Variants in PCDHA1 observed in about 807,000 individuals in gnomAD.
PCDHA1 encodes the protein protocadherin alpha 1.
Under a neutral mutation model 61.3 loss-of-function variants are expected in PCDHA1, and 42 were observed. The ratio of observed to expected loss-of-function variants is 0.69; its 90% confidence interval spans 0.54 to 0.89. PCDHA1 has a LOEUF of 0.89. PCDHA1 is among the 40% of genes least tolerant of loss of function. The pLI is 0.00. For synonymous variants in PCDHA1, 610 were observed against 553.8 expected (o/e 1.10, Z -1.43); for missense variants, 1,256 against 1,235.3 (o/e 1.02, Z -0.25).
chr5:140,848,693 G>A, intron 1 of PCDHA1: 1 of 1,592,386 alleles, frequency 6.3e-7, no homozygotes, highest in Non-Finnish European at 8.6e-7. Flanking sequence ...TGTTCCAGTT[G>A]GATTCCAAAG....
At chr5:140,880,731 GAA>G (rs2058452770) in intron 1 of PCDHA1, among the ~76,000 whole-genome samples, 1 of 152,216 alleles carries the variant, frequency 6.6e-6, no homozygotes, top group Non-Finnish European at 1.5e-5. Flanking sequence ...GAAGCATAGA[GAA>G]AATGGATTGT....
At position 140,870,670 on chromosome 5, in the gene PCDHA1, G is replaced by A. The variant is rs782000668; in HGVS notation, c.2394+81986G>A. On this transcript the variant is annotated intron_variant, in intron 1 of 3. Coordinates refer to ENST00000504120, the MANE Select transcript of PCDHA1 (RefSeq NM_018900.4). Reference sequence around the variant, plus strand: ...CAAGGTGTACGCGCTGCAGCCGTTGGACCACGAGGAGCTGGAGCTGCTACA... The same window carrying A: ...CAAGGTGTACGCGCTGCAGCCGTTGAACCACGAGGAGCTGGAGCTGCTACA... The A allele has an allele frequency of 3.1e-6, 5 of 1,612,518 alleles. No individual in the cohort carries two copies. The East Asian group carries it at 1.1e-4, about 36-fold the overall frequency.
intron 1 of PCDHA1, among the ~76,000 whole-genome samples, chr5:140,887,589 T>C (rs1271786236): frequency 6.6e-6 from 1 of 152,120 alleles, no homozygotes; most frequent in Non-Finnish European, 1.5e-5. Context: ...CTTTTGCAGA[T>C]TGATTGTGAT....
chr5:140,900,080 A>G (rs62384484), intron 1 of PCDHA1, among the ~76,000 whole-genome samples: 49,691 of 152,040 alleles, frequency 0.33, 8,391 homozygotes, highest in East Asian at 0.53. Flanking sequence ...AAAGTGCTGC[A>G]GTTACAAGCA....
At chr5:140,875,906 C>T in intron 1 of PCDHA1, 1 of 1,614,204 alleles carries the variant, frequency 6.2e-7, no homozygotes, top group East Asian at 2.2e-5. Flanking sequence ...GTTTCTGAAT[C>T]TGCGCCTCTG....
At chr5:140,853,209 A>G (rs1399552448) in intron 1 of PCDHA1, 10 of 983,300 alleles carry the variant, frequency 1.0e-5, no homozygotes, top group Non-Finnish European at 1.1e-5. Context: ...TGACGGCTGT[A>G]TTGATGGGAT....
intron 1 of PCDHA1, among the ~76,000 whole-genome samples, chr5:140,914,027 T>C (rs188298966): frequency 6.6e-6 from 1 of 152,186 alleles, no homozygotes; most frequent in Non-Finnish European, 1.5e-5. Context: ...ATCCACGTGC[T>C]GAGAAGAATG....
chr5:140,843,692 T>C, intron 1 of PCDHA1: 2 of 1,586,786 alleles, frequency 1.3e-6, no homozygotes, highest in South Asian at 2.2e-5. Flanking sequence ...AGAGCAAGAT[T>C]TAAATGTTGA....
intron 1 of PCDHA1, chr5:140,841,625 T>C (rs1425270500): frequency 1.9e-6 from 3 of 1,614,028 alleles, no homozygotes; most frequent in African/African-American, 1.3e-5. Flanking sequence ...GAGCGCGGAG[T>C]GCAGCATCCA....
At chr5:140,974,614 C>T (rs757071183) in intron 1 of PCDHA1, among the ~76,000 whole-genome samples, 3 of 152,070 alleles carry the variant, frequency 2.0e-5, no homozygotes, top group East Asian at 1.9e-4. Context: ...AGGGTTCAAG[C>T]GATTCTCCTG....
At chr5:140,930,711 C>G (rs10214249) in intron 1 of PCDHA1, among the ~76,000 whole-genome samples, 2,020 of 152,280 alleles carry the variant, frequency 0.013, 38 homozygotes, top group African/African-American at 0.046. Flanking sequence ...TATTCTTCCT[C>G]AAGTAATGAT....
chr5:140,981,721 A>G (rs2096948672), intron 2 of PCDHA1, among the ~76,000 whole-genome samples: 1 of 151,112 alleles, frequency 6.6e-6, no homozygotes, highest in Non-Finnish European at 1.5e-5. Context: ...TTCATCCAAC[A>G]AATATTTGAG....
chr5:140,924,701 C>A (rs2081959929), intron 1 of PCDHA1, among the ~76,000 whole-genome samples: 1 of 152,008 alleles, frequency 6.6e-6, no homozygotes, highest in African/African-American at 2.4e-5. Flanking sequence ...TCGAGACCAG[C>A]TTGTGCAACA....
chr5:140,985,060 C>T (rs1377386395), intron 3 of PCDHA1, among the ~76,000 whole-genome samples: 2 of 152,066 alleles, frequency 1.3e-5, no homozygotes, highest in Admixed American at 6.5e-5. Flanking sequence ...GCCTCAGCCT[C>T]CTGAGTAGCT....
intron 1 of PCDHA1, chr5:140,843,376 C>G (rs1554140003): frequency 1.3e-6 from 2 of 1,595,956 alleles, no homozygotes; most frequent in Admixed American, 1.7e-5. Context: ...AGTCGGCTGG[C>G]GTTTTGGGTC....
At chr5:140,842,696 G>C in intron 1 of PCDHA1, 1 of 1,595,300 alleles carries the variant, frequency 6.3e-7, no homozygotes, top group Non-Finnish European at 8.6e-7. Context: ...CGCGCAGCCC[G>C]AGTACACGGT....
rs575508145 is a variant in PCDHA1 at position 140,793,513 on chromosome 5, G to A, written c.2394+4829G>A. Among the ~76,000 whole-genome samples the A allele has an allele frequency of 3.3e-5, 5 of 152,306 alleles. No homozygotes were observed. The South Asian group carries it at 1.0e-3, about 32-fold the overall frequency. On this transcript the variant is annotated intron_variant, in intron 1 of 3. Transcript: ENST00000504120. Reference sequence around the variant, plus strand: ...AAAAAGCTAGCTTTTCTTAACAAGAGCTTTGCTTTTCTCTTACGGACATTG... The same window carrying A: ...AAAAAGCTAGCTTTTCTTAACAAGAACTTTGCTTTTCTCTTACGGACATTG...
intron 1 of PCDHA1, chr5:140,866,390 T>C (rs2049324113): frequency 6.6e-6 from 1 of 152,134 alleles, no homozygotes; most frequent in Non-Finnish European, 1.5e-5. Flanking sequence ...TTTAAAGACA[T>C]AGATTCCCAT....
chr5:140,827,595 A>G (rs2150148333), intron 1 of PCDHA1, among the ~76,000 whole-genome samples: 1 of 152,352 alleles, frequency 6.6e-6, no homozygotes, highest in Admixed American at 6.5e-5. Context: ...GGAAAGACAG[A>G]TGTGGGCAAG....
Sources: allele counts gnomAD v4.1 joint callset (sites outside exome capture counted in the v4.1 genomes callset), GRCh38; gene constraint gnomAD v4.1.1; transcripts MANE v1.5; gene names NCBI Gene and HGNC (gene_info 2026-07-23, HGNC 2026-07-21).